Variants in MDGA2 observed in about 807,000 individuals in gnomAD.
MDGA2 encodes the protein MAM domain-containing glycosylphosphatidylinositol anchor protein 2.
Under a neutral mutation model 117.8 loss-of-function variants are expected in MDGA2, and 40 were observed. That is an observed-to-expected ratio of 0.34 (90% CI 0.26 to 0.44). The LOEUF (loss-of-function observed/expected upper bound fraction) is 0.44. Ranked by LOEUF, MDGA2 falls within the 20% of genes least tolerant of loss-of-function variation. MDGA2 has a pLI of 1.00. For missense variants in MDGA2, 1,123 were observed against 1,250.6 expected, an observed-to-expected ratio of 0.90 and a Z score of 1.54; for synonymous variants, 452 against 439.0, an observed-to-expected ratio of 1.03 and a Z score of -0.37.
chr14:47,585,160 A>G lies in MDGA2; in HGVS notation c.280+89357T>C, dbSNP rs551804576. Among the ~76,000 whole-genome samples the G allele has an allele frequency of 7.9e-5, 12 of 152,030 alleles. No homozygotes were observed. In the South Asian group the frequency reaches 2.5e-3, roughly 32 times the overall value. On this transcript the variant is annotated intron_variant, in intron 1 of 16. Coordinates refer to ENST00000399232, the MANE Select transcript of MDGA2 (RefSeq NM_001113498.3). ...TCTTAACTGTTTATTCCAAATAGGT[A>G]ATTTGGCACTAAATGAAAATATATT...
intron 3 of MDGA2, among the ~76,000 whole-genome samples, chr14:47,208,319 T>C (rs1885759347): frequency 1.3e-5 from 2 of 152,030 alleles, no homozygotes; most frequent in South Asian, 4.1e-4. Context: ...GTATTCTGAA[T>C]ACATTCAGAG....
intron 1 of MDGA2, among the ~76,000 whole-genome samples, chr14:47,420,813 G>C (rs1209222001): frequency 1.5e-5 from 2 of 137,212 alleles, no homozygotes; most frequent in African/African-American, 2.7e-5. Context: ...GCAATAAAGA[G>C]AGAGAAAAAG....
At chr14:47,259,312 T>C (rs1047245442) in intron 2 of MDGA2, among the ~76,000 whole-genome samples, 1 of 152,112 alleles carries the variant, frequency 6.6e-6, no homozygotes, top group African/African-American at 2.4e-5. Flanking sequence ...GATATTTAGG[T>C]TGATTCCTTA....
At chr14:47,440,425 A>C (rs1251465631) in intron 1 of MDGA2, among the ~76,000 whole-genome samples, 4 of 152,116 alleles carry the variant, frequency 2.6e-5, no homozygotes, top group Non-Finnish European at 5.9e-5. Flanking sequence ...AATGCTTTCT[A>C]GTACATCACT....
intron 1 of MDGA2, among the ~76,000 whole-genome samples, chr14:47,331,527 G>A (rs1428926962): frequency 2.4e-5 from 3 of 125,892 alleles, no homozygotes; most frequent in African/African-American, 7.9e-5. Flanking sequence ...TTCTGTTGAC[G>A]CAGATTCTTT....
chr14:47,109,916 A>T (rs534724304), intron 5 of MDGA2, among the ~76,000 whole-genome samples: 6 of 152,166 alleles, frequency 3.9e-5, no homozygotes, highest in East Asian at 3.9e-4. Flanking sequence ...ACTGCACTCC[A>T]GCCTAGGGAG....
chr14:47,261,107 G>C lies in MDGA2; in HGVS notation c.420+40304C>G, dbSNP rs377031986. Among the ~76,000 whole-genome samples, 14 of 152,000 alleles carry C rather than the reference G, an allele frequency of 9.2e-5. No homozygotes were observed. The East Asian group carries it at 1.9e-3, about 21-fold the overall frequency. ...TGTGTAGGCTTAAGAGGGTTCAGAG[G>C]GTTTGGAAAAACATCGTTAGGAAGG... On this transcript the variant is annotated intron_variant, in intron 2 of 16. Transcript: ENST00000399232.
chr14:47,068,498 A>G (rs1360725106), intron 6 of MDGA2, among the ~76,000 whole-genome samples: 7 of 151,690 alleles, frequency 4.6e-5, no homozygotes, highest in Middle Eastern at 3.4e-3. Flanking sequence ...TGTGGCTACC[A>G]TGTAAATGGT....
intron 1 of MDGA2, among the ~76,000 whole-genome samples, chr14:47,393,037 A>G (rs1312280307): frequency 6.6e-6 from 1 of 151,712 alleles, no homozygotes; most frequent in Admixed American, 6.6e-5. Context: ...CTTAAAAACT[A>G]AAGTGTTTGT....
chr14:46,940,919 TA>T (rs1276915534), intron 9 of MDGA2, among the ~76,000 whole-genome samples: 2 of 152,148 alleles, frequency 1.3e-5, no homozygotes, highest in Non-Finnish European at 2.9e-5. Context: ...GCCCAGAAGG[TA>T]TGCTGTTTAT....
At chr14:47,636,865 G>A (rs1264932028) in intron 1 of MDGA2, among the ~76,000 whole-genome samples, 2 of 145,200 alleles carry the variant, frequency 1.4e-5, no homozygotes, top group East Asian at 4.0e-4. Flanking sequence ...CCAGCTACTC[G>A]GGAGGCTGAG....
chr14:47,533,796 G>C (rs1895150745), intron 1 of MDGA2, among the ~76,000 whole-genome samples: 1 of 152,030 alleles, frequency 6.6e-6, no homozygotes, highest in Admixed American at 6.6e-5. Flanking sequence ...CATTTTATTA[G>C]CTCCAGAGTT....
chr14:46,960,801 CAT>C (rs1885769728), intron 8 of MDGA2, among the ~76,000 whole-genome samples: 1 of 142,000 alleles, frequency 7.0e-6, no homozygotes, highest in Non-Finnish European at 1.5e-5. Context: ...TAGAATTATA[CAT>C]ATGTATACAC....
intron 10 of MDGA2, among the ~76,000 whole-genome samples, chr14:46,906,318 A>G (rs1198159212): frequency 6.6e-6 from 1 of 151,880 alleles, no homozygotes; most frequent in Non-Finnish European, 1.5e-5. Flanking sequence ...TTTTACTGAG[A>G]GTTTACTGTG....
chr14:47,175,188 A>T (rs1474404675), intron 3 of MDGA2, among the ~76,000 whole-genome samples: 1 of 151,520 alleles, frequency 6.6e-6, no homozygotes, highest in East Asian at 1.9e-4. Flanking sequence ...GTCCAGGACC[A>T]GATGGATTCA....
At chr14:46,895,847 T>G (rs1459929077) in intron 10 of MDGA2, among the ~76,000 whole-genome samples, 1 of 152,250 alleles carries the variant, frequency 6.6e-6, no homozygotes. Context: ...GATTCTGCAA[T>G]GCCGCCTGTC....
intron 6 of MDGA2, among the ~76,000 whole-genome samples, chr14:47,088,487 T>C (rs1399342745): frequency 6.6e-6 from 1 of 152,184 alleles, no homozygotes; most frequent in African/African-American, 2.4e-5. Flanking sequence ...TGAAAGATTA[T>C]GTAACAAAGC....
intron 1 of MDGA2, among the ~76,000 whole-genome samples, chr14:47,553,067 G>A (rs912017847): frequency 1.3e-5 from 2 of 148,776 alleles, no homozygotes; most frequent in Non-Finnish European, 3.0e-5. Context: ...AACCTGAGGC[G>A]GCCCTAACCT....
chr14:47,381,748 G>A (rs1182377781), intron 1 of MDGA2, among the ~76,000 whole-genome samples: 1 of 152,096 alleles, frequency 6.6e-6, no homozygotes, highest in South Asian at 2.1e-4. Context: ...CATGCTCATG[G>A]GTACGAAGAA....
Sources: gnomAD v4.1 joint callset for allele counts (sites outside exome capture counted in the v4.1 genomes callset) on GRCh38, gnomAD v4.1.1 for gene constraint, MANE v1.5 for transcripts, NCBI Gene and HGNC (gene_info 2026-07-23, HGNC 2026-07-21) for gene names.